ZNF81: variants seen among roughly 807,000 people sequenced by gnomAD.
ZNF81 encodes zinc finger protein 81.
In ZNF81, 5 loss-of-function variants were observed where a neutral mutation model predicts 32.3. The observed-to-expected ratio is 0.15, with a 90% CI of 0.08 to 0.33. The LOEUF (loss-of-function observed/expected upper bound fraction) is 0.33, where lower values mean the gene tolerates loss of function less well. Among genes scored for constraint, ZNF81 ranks in the 10% least tolerant of loss-of-function variants. The probability of loss-of-function intolerance (pLI) is 1.00; values close to 1 mark genes in which losing one functional copy is unlikely to be tolerated. For missense variants in ZNF81, 379 were observed against 479.8 expected, an observed-to-expected ratio of 0.79 and a Z score of 1.96; for synonymous variants, 163 against 166.8, an observed-to-expected ratio of 0.98 and a Z score of 0.17.
intron 2 of ZNF81, among the ~76,000 whole-genome samples, chrX:47,886,587 T>C (rs1556885780): frequency 9.3e-6 from 1 of 107,403 alleles, no homozygotes; most frequent in Non-Finnish European, 1.9e-5. Flanking sequence ...TTTTCTTTTC[T>C]TTTCTCTCTC....
At chrX:47,882,844 A>G (rs1381328922) in intron 2 of ZNF81, among the ~76,000 whole-genome samples, 3 of 112,001 alleles carry the variant, frequency 2.7e-5, no homozygotes, top group Admixed American at 9.4e-5. Context: ...TACAAAAATT[A>G]GCCGGGTGTG....
intron 3 of ZNF81, 121 bp from the exon 4 acceptor site, chrX:47,895,724 C>A: frequency 1.8e-6 from 1 of 555,470 alleles, no homozygotes; most frequent in South Asian, 2.5e-5. Flanking sequence ...GTCTGAGATT[C>A]TTCAGTCCCT....
intron 2 of ZNF81, among the ~76,000 whole-genome samples, chrX:47,877,276 T>G (rs1206082123): frequency 9.0e-6 from 1 of 111,408 alleles, no homozygotes; most frequent in African/African-American, 3.3e-5. Flanking sequence ...TCTGAGTCCC[T>G]CCCTTCCCTG....
At position 47,917,441 on chromosome X, in the gene ZNF81, ACTTT is replaced by A. The variant is rs1317460401; in HGVS notation, c.*814_*817del. 6.6e-5 allele frequency: 19 copies of A among 289,057 alleles called. No homozygotes were observed. The highest frequency in any genetic ancestry group is 1.1e-4 in the Non-Finnish European group (18 of 165,686). The allele number at this position is 289,057 out of a possible 1,213,427, so 23.8% of individuals were successfully genotyped here. ...ACTTGACTTTGAACTTGGCCACGTG[ACTTT>A]CTTTGGCCAATGGAAATTAGCAAAG... On this transcript the variant is annotated 3_prime_UTR_variant, in exon 5 of 5. Coordinates refer to ENST00000338637, the MANE Select transcript of ZNF81 (RefSeq NM_007137.5).
intron 1 of ZNF81, among the ~76,000 whole-genome samples, chrX:47,840,168 TTTGTGCC>T (rs2058441577): frequency 9.2e-6 from 1 of 108,837 alleles, no homozygotes; most frequent in African/African-American, 3.4e-5. Flanking sequence ...AACATTTATT[TTTGTGCC>T]TTTCTTCCTA....
chrX:47,909,089 C>T (rs2058730238), intron 4 of ZNF81, among the ~76,000 whole-genome samples: 1 of 112,075 alleles, frequency 8.9e-6, no homozygotes, highest in Non-Finnish European at 1.9e-5. Context: ...AATATCTACA[C>T]TTTACTATAT....
intron 2 of ZNF81, among the ~76,000 whole-genome samples, chrX:47,867,100 G>C (rs972487101): frequency 9.0e-6 from 1 of 111,142 alleles, no homozygotes; most frequent in Non-Finnish European, 1.9e-5. Flanking sequence ...TGGAGCCTGT[G>C]GGGGGTTAGG....
At chrX:47,847,977 C>G (rs12556672) in intron 2 of ZNF81, among the ~76,000 whole-genome samples, 43,073 of 106,993 alleles carry the variant, frequency 0.4, 7,283 homozygotes, top group East Asian at 0.6. Flanking sequence ...TGCAGTAGCA[C>G]AATCTCGGCT....
chrX:47,862,573 A>G (rs1442758973), intron 2 of ZNF81, among the ~76,000 whole-genome samples: 2 of 111,044 alleles, frequency 1.8e-5, no homozygotes, highest in Non-Finnish European at 3.8e-5. Flanking sequence ...TCTCAGGGTG[A>G]CCCTGGGAAG....
At chrX:47,899,290 G>GTT (rs377718867) in intron 4 of ZNF81, among the ~76,000 whole-genome samples, 39 of 101,591 alleles carry the variant, frequency 3.8e-4, no homozygotes, top group Admixed American at 1.3e-3. Flanking sequence ...TTGTTTCATA[G>GTT]TTTTTTTTTT....
In ZNF81 at chrX:47,920,971, C is replaced by T. The variant is rs937989579; in HGVS notation, c.*4339C>T. ...TATTATATTTCAAGCTAGTTGGTTG[C>T]TCTGTAATCTTAGCTCTCTGATGGG... is the stretch of plus-strand genomic sequence containing the variant. On this transcript the variant is annotated 3_prime_UTR_variant, in exon 5 of 5. Coordinates refer to ENST00000338637, the MANE Select transcript of ZNF81 (RefSeq NM_007137.5). 2 of 111,510 alleles carry T rather than the reference C, an allele frequency of 1.8e-5. No individual in the cohort carries two copies. Among genetic ancestry groups the T allele is most frequent in the African/African-American group, 6.5e-5 (2 of 30,626 alleles). 9.2% of individuals were successfully genotyped at this position (111,510 alleles called of 1,213,427 possible).
intron 3 of ZNF81, among the ~76,000 whole-genome samples, chrX:47,890,744 G>A (rs2058659512): frequency 8.9e-6 from 1 of 111,833 alleles, no homozygotes; most frequent in Non-Finnish European, 1.9e-5. Flanking sequence ...AATCAGGAAT[G>A]TGTTACCTCC....
chrX:47,849,811 GC>G (rs1409272994), intron 2 of ZNF81, among the ~76,000 whole-genome samples: 17 of 112,064 alleles, frequency 1.5e-4, no homozygotes, highest in African/African-American at 4.9e-4. Context: ...CTAGTCAGAG[GC>G]CTTCTTGAAC....
chrX:47,890,030 A>AAT (rs1485421058), intron 3 of ZNF81, among the ~76,000 whole-genome samples: 2 of 111,602 alleles, frequency 1.8e-5, no homozygotes, highest in African/African-American at 3.3e-5. Flanking sequence ...ATGAAGACCA[A>AAT]ATATATATAT....
intron 2 of ZNF81, among the ~76,000 whole-genome samples, chrX:47,873,726 GCA>G (rs1296187092): frequency 9.0e-6 from 1 of 111,670 alleles, no homozygotes; most frequent in African/African-American, 3.3e-5. Flanking sequence ...GAGTGCAGCG[GCA>G]CAATCTCGGC....
chrX:47,903,099 T>C (rs1222219772), intron 4 of ZNF81, among the ~76,000 whole-genome samples: 1 of 110,412 alleles, frequency 9.1e-6, no homozygotes, highest in Non-Finnish European at 1.9e-5. Context: ...CCACAGCCAA[T>C]ATCATACTGA....
rs1487414971 is a variant in ZNF81 at position 47,920,234 on chromosome X, C to A, written c.*3602C>A. The stretch of plus-strand genomic sequence containing the variant: ...GAATTTTTATTTTTCCCAGACCACA[C>A]TTGCCTTTAGGCCTGTAGGCCTTTC... On this transcript the variant is annotated 3_prime_UTR_variant, in exon 5 of 5. Coordinates refer to ENST00000338637, the MANE Select transcript of ZNF81 (RefSeq NM_007137.5). 1 of 112,128 alleles carries A rather than the reference C, an allele frequency of 8.9e-6. No individual in the cohort carries two copies. Among genetic ancestry groups the A allele is most frequent in the Non-Finnish European group, 1.9e-5 (1 of 53,273 alleles). The allele number at this position is 112,128 out of a possible 1,213,427, so 9.2% of individuals were successfully genotyped here.
chrX:47,885,974 A>C (rs909994879), intron 2 of ZNF81, among the ~76,000 whole-genome samples: 4 of 112,044 alleles, frequency 3.6e-5, no homozygotes, highest in Non-Finnish European at 7.5e-5. Context: ...AGTTACCTCT[A>C]TTCTTCTGTC....
At chrX:47,893,019 G>C (rs1457442766) in intron 3 of ZNF81, among the ~76,000 whole-genome samples, 1 of 112,441 alleles carries the variant, frequency 8.9e-6, no homozygotes, top group African/African-American at 3.2e-5. Flanking sequence ...TGGCAAAGGA[G>C]ACTCAAGAAT....
Sources: allele counts gnomAD v4.1 joint callset (sites outside exome capture counted in the v4.1 genomes callset), GRCh38; gene constraint gnomAD v4.1.1; transcripts MANE v1.5; gene names NCBI Gene and HGNC (gene_info 2026-07-23, HGNC 2026-07-21).